The following CLN3 variants were observed in gnomAD, a reference collection of about 807,000 sequenced individuals.
CLN3 encodes battenin.
CLN3 carries 49 observed loss-of-function variants against 60.7 expected under a neutral mutation model. The observed-to-expected ratio is 0.81, with a 90% CI of 0.64 to 1.02. The LOEUF (loss-of-function observed/expected upper bound fraction) is 1.02. Among genes scored for constraint, CLN3 ranks in the 50% least tolerant of loss-of-function variants. The pLI is 0.00. For synonymous variants in CLN3, 256 were observed against 245.8 expected (o/e 1.04, Z -0.39); for missense variants, 516 against 557.4 (o/e 0.93, Z 0.75).
In CLN3 at chr16:28,477,338, T is replaced by A; in HGVS notation, c.*178A>T. On this transcript the variant is annotated 3_prime_UTR_variant, in exon 16 of 16. Transcript: ENST00000636147. ...TGATGCCAGGAAGAAACTCCCCAAG[T>A]GGGAGACAATGGCTGGCCCCCCTGC... The A allele has an allele frequency of 1.3e-6, 1 of 753,820 alleles. No individual in the cohort carries two copies. The highest frequency in any genetic ancestry group is 2.2e-6 in the Non-Finnish European group (1 of 448,948). 46.7% of individuals were successfully genotyped at this position (753,820 alleles called of 1,614,324 possible).
Position 28,477,361 on chromosome 16 carries a change from T to C in CLN3, c.*155A>G, listed in dbSNP as rs113112766. 1.3e-5 allele frequency: 13 copies of C among 990,592 alleles called. No homozygotes were observed. The highest frequency in any genetic ancestry group is 1.7e-5 in the Non-Finnish European group (11 of 651,254). 61.4% of individuals were successfully genotyped at this position (990,592 alleles called of 1,614,324 possible). Reference sequence around the variant, plus strand: ...AGTGGGAGACAATGGCTGGCCCCCCTGCAAGGGAAACAAGGCTTCAGCCCT... The same window carrying C: ...AGTGGGAGACAATGGCTGGCCCCCCCGCAAGGGAAACAAGGCTTCAGCCCT... On this transcript the variant is annotated 3_prime_UTR_variant, in exon 16 of 16. Coordinates refer to ENST00000636147, the MANE Select transcript of CLN3 (RefSeq NM_001042432.2).
chr16:28,477,893 G>A lies in CLN3; in HGVS notation c.1057-16C>T, dbSNP rs771215908. On this transcript the variant is annotated splice_polypyrimidine_tract_variant and intron_variant, in intron 14 of 15. Coordinates refer to ENST00000636147, the MANE Select transcript of CLN3 (RefSeq NM_001042432.2). Reference sequence around the variant, plus strand: ...GGTTGAGGCACTGTGAACAGGGGGAGAGGCTAAGCCTGGGACCAGGGCGGG... The same window carrying A: ...GGTTGAGGCACTGTGAACAGGGGGAAAGGCTAAGCCTGGGACCAGGGCGGG... The A allele has an allele frequency of 3.7e-6, 6 of 1,613,032 alleles. No homozygotes were observed. The East Asian group carries it at 8.9e-5, about 24-fold the overall frequency.
chr16:28,483,713 CTTTTTTTTTTT>C lies in CLN3; in HGVS notation c.790+282_790+292del, dbSNP rs755660742. Among the ~76,000 whole-genome samples, 570 of 100,514 alleles carry C rather than the reference CTTTTTTTTTTT, an allele frequency of 5.7e-3. 3 individuals are homozygous for C. Among genetic ancestry groups the C allele is most frequent in the South Asian group, 0.019 (57 of 3,004 alleles). The allele number at this position is 100,514 out of a possible 152,430, so 65.9% of individuals were successfully genotyped here. ...CTCCCTCCCTTCCTTCCTTTCTTTT[CTTTTTTTTTTT>C]TTTTTTTTTTTTTTTGCGACAAGGT... is the stretch of plus-strand genomic sequence containing the variant. On this transcript the variant is annotated intron_variant, in intron 10 of 15. Coordinates refer to ENST00000636147, the MANE Select transcript of CLN3 (RefSeq NM_001042432.2).
At chr16:28,477,984 G>A (rs1596620027) in intron 14 of CLN3, 107 bp from the exon 15 acceptor site, 2 of 1,292,090 alleles carry the variant, frequency 1.5e-6, no homozygotes, top group East Asian at 2.4e-5. Flanking sequence ...GTGAAGGAGA[G>A]GGCTGCCAGG....
chr16:28,478,582 C>T (rs1176432270), intron 14 of CLN3, among the ~76,000 whole-genome samples: 1 of 141,444 alleles, frequency 7.1e-6, no homozygotes, highest in Non-Finnish European at 1.5e-5. Context: ...TGCCACTGCA[C>T]TCCAGCCTGG....
intron 9 of CLN3, chr16:28,484,355 T>G: frequency 1.9e-6 from 1 of 518,846 alleles, no homozygotes; most frequent in South Asian, 2.1e-5. Context: ...CATTTTGTTT[T>G]GATTTTTTTC....
intron 7 of CLN3, chr16:28,487,189 G>T (rs1302400864): frequency 1.8e-6 from 1 of 550,556 alleles, no homozygotes; most frequent in South Asian, 2.0e-5. Context: ...GGGATTATAG[G>T]CATGAGTCAC....
chr16:28,482,080 G>A (rs1477008412), intron 14 of CLN3, 25 bp downstream of exon 14: 6 of 1,587,472 alleles, frequency 3.8e-6, no homozygotes, highest in South Asian at 1.1e-5. Flanking sequence ...AGGTGGGAGT[G>A]AAGTGAGGGG....
At chr16:28,473,081 GCACGCAGCACT>G (rs1303088033), downstream of CLN3, among the ~76,000 whole-genome samples, 11 of 152,032 alleles carry the variant, frequency 7.2e-5, no homozygotes, top group East Asian at 2.1e-3. Context: ...GGGAGTACAG[GCACGCAGCACT>G]ACACCTGGCT....
At position 28,491,463 on chromosome 16, in the gene CLN3, G is replaced by T. The variant is rs1466192346; in HGVS notation, c.125+19C>A. 10 of 1,612,336 alleles carry T rather than the reference G, an allele frequency of 6.2e-6. 1 individual carries two copies. The highest frequency in any genetic ancestry group is 2.0e-4 in the Middle Eastern group (1 of 5,124). ...TCTTCTCATGCCATTGTCACTCGCTGAAGTCTCAGGCCACTCACCAGAAGC... is the reference window on the plus strand; with the variant it reads ...TCTTCTCATGCCATTGTCACTCGCTTAAGTCTCAGGCCACTCACCAGAAGC... On this transcript the variant is annotated intron_variant, in intron 3 of 15. Transcript: ENST00000636147.
At chr16:28,474,104 T>A (rs1291266818), downstream of CLN3, 2 of 152,046 alleles carry the variant, frequency 1.3e-5, no homozygotes, top group Non-Finnish European at 2.9e-5. Flanking sequence ...CTCGTCTCCA[T>A]AACAAATACA....
chr16:28,474,094 C>G (rs1389339412), downstream of CLN3: 2 of 152,186 alleles, frequency 1.3e-5, no homozygotes, highest in East Asian at 1.9e-4. Context: ...ATGGCGAAAC[C>G]TCGTCTCCAT....
downstream of CLN3, among the ~76,000 whole-genome samples, chr16:28,470,800 C>G: frequency 6.8e-6 from 1 of 146,098 alleles, no homozygotes; most frequent in South Asian, 2.3e-4. Flanking sequence ...CTACAGGTCA[C>G]GGAGAAGATC....
downstream of CLN3, chr16:28,471,062 C>G: frequency 2.3e-6 from 1 of 431,950 alleles, no homozygotes; most frequent in Non-Finnish European, 4.0e-6. Context: ...CTCGCAAGGA[C>G]AGGTCCTCTC....
At chr16:28,485,637 C>G (rs1384098923) in intron 9 of CLN3, among the ~76,000 whole-genome samples, 1 of 132,168 alleles carries the variant, frequency 7.6e-6, no homozygotes, top group Non-Finnish European at 1.6e-5. Flanking sequence ...CCCTGGCACT[C>G]AGGCAGGCAA....
At chr16:28,479,319 C>T (rs573262890) in intron 14 of CLN3, 9 of 152,374 alleles carry the variant, frequency 5.9e-5, no homozygotes, top group African/African-American at 1.9e-4. Context: ...GGTGTGGTGG[C>T]TCACACCTGT....
At chr16:28,491,088 GATAAA>G (rs146701896) in intron 3 of CLN3, 49,514 of 158,652 alleles carry the variant, frequency 0.31, 9,518 homozygotes, top group Non-Finnish European at 0.41. Flanking sequence ...AAAAAAATAA[GATAAA>G]ATAAAATAAA....
downstream of CLN3, among the ~76,000 whole-genome samples, chr16:28,472,767 G>A (rs1341464849): frequency 2.7e-5 from 4 of 149,738 alleles, no homozygotes; most frequent in African/African-American, 7.4e-5. Context: ...GCTTGAACCC[G>A]GGAGTCTGGG....
intron 5 of CLN3, 81 bp from the exon 6 acceptor site, chr16:28,487,822 C>A (rs2046247714): frequency 8.6e-7 from 1 of 1,164,978 alleles, no homozygotes; most frequent in African/African-American, 1.5e-5. Context: ...GAGGCAGGAG[C>A]TGGCCAAACA....
Sources: gnomAD v4.1 joint callset for allele counts (sites outside exome capture counted in the v4.1 genomes callset) on GRCh38, gnomAD v4.1.1 for gene constraint, MANE v1.5 for transcripts, NCBI Gene and HGNC (gene_info 2026-07-23, HGNC 2026-07-21) for gene names.